Variants in RAD51C observed in about 807,000 individuals in gnomAD.
RAD51C encodes DNA repair protein RAD51 homolog 3.
A neutral mutation model predicts 45.0 loss-of-function variants in RAD51C; 42 were observed. The observed-to-expected ratio is 0.93, with a 90% confidence interval of 0.73 to 1.21. The LOEUF (loss-of-function observed/expected upper bound fraction) is 1.21, where lower values mean the gene tolerates loss of function less well. Ranked by LOEUF, RAD51C falls within the 50% of genes most tolerant of loss-of-function variation. The pLI, the probability that RAD51C is intolerant of heterozygous loss-of-function variation, is 0.00. For synonymous variants in RAD51C, 172 were observed against 159.8 expected, an observed-to-expected ratio of 1.08 and a Z score of -0.58; for missense variants, 474 against 452.2, an observed-to-expected ratio of 1.05 and a Z score of -0.44.
chr17:58,701,362 G>A (rs923742858), intron 3 of RAD51C, among the ~76,000 whole-genome samples: 10 of 151,570 alleles, frequency 6.6e-5, no homozygotes, highest in Admixed American at 1.3e-4. Context: ...CAAAAAATTA[G>A]CCTGGCATGG....
intron 5 of RAD51C, among the ~76,000 whole-genome samples, chr17:58,711,247 A>G (rs2048547811): frequency 6.6e-6 from 1 of 152,222 alleles, no homozygotes; most frequent in Non-Finnish European, 1.5e-5. Context: ...AATCCAAACA[A>G]TAACATCAAA....
At chr17:58,705,147 TTAAA>T (rs1205128381) in intron 4 of RAD51C, among the ~76,000 whole-genome samples, 2 of 151,708 alleles carry the variant, frequency 1.3e-5, no homozygotes, top group Admixed American at 1.3e-4. Flanking sequence ...TAAATAAAAA[TTAAA>T]TAAATAAATA....
Position 58,734,475 on chromosome 17 carries a change from T to C in RAD51C, c.*253T>C, listed in dbSNP as rs2049574893. ...AGATGATTATTATATTTCACAAATG[T>C]GGAAAGCTGATCTCATGTGGCCAGT... On this transcript the variant is annotated 3_prime_UTR_variant, in exon 9 of 9. Coordinates refer to ENST00000337432, the MANE Select transcript of RAD51C (RefSeq NM_058216.3). 3 of 597,792 alleles carry C rather than the reference T, an allele frequency of 5.0e-6. No homozygotes were observed. The allele number at this position is 597,792 out of a possible 1,614,324, so 37.0% of individuals were successfully genotyped here.
At chr17:58,708,707 G>GT (rs1266129810) in intron 4 of RAD51C, among the ~76,000 whole-genome samples, 1 of 151,554 alleles carries the variant, frequency 6.6e-6, no homozygotes, top group Non-Finnish European at 1.5e-5. Flanking sequence ...GCTTTGGGGG[G>GT]GGCTTTCTTT....
intron 5 of RAD51C, among the ~76,000 whole-genome samples, chr17:58,712,786 T>C (rs2048604909): frequency 6.6e-6 from 1 of 150,886 alleles, no homozygotes; most frequent in Non-Finnish European, 1.5e-5. Context: ...GCCACTGCAC[T>C]CCAGCCTGGG....
intron 5 of RAD51C, 100 bp downstream of exon 5, chr17:58,710,090 A>G (rs1055307096): frequency 8.2e-6 from 11 of 1,343,178 alleles, no homozygotes; most frequent in Non-Finnish European, 1.2e-5. Flanking sequence ...GACAAATAAT[A>G]TAGACATGCA....
intron 7 of RAD51C, among the ~76,000 whole-genome samples, chr17:58,731,486 C>T (rs1330298309): frequency 6.6e-6 from 1 of 151,944 alleles, no homozygotes; most frequent in Non-Finnish European, 1.5e-5. Flanking sequence ...CTCGAACTCC[C>T]GACCTCAGGT....
At chr17:58,724,298 A>C (rs1272739585) in intron 7 of RAD51C, among the ~76,000 whole-genome samples, 198 bp downstream of exon 7, 1 of 152,164 alleles carries the variant, frequency 6.6e-6, no homozygotes, top group African/African-American at 2.4e-5. Flanking sequence ...TACATAGGAA[A>C]TTCTCTGGAA....
At chr17:58,705,574 C>T (rs1041829762) in intron 4 of RAD51C, among the ~76,000 whole-genome samples, 12 of 152,126 alleles carry the variant, frequency 7.9e-5, no homozygotes, top group East Asian at 3.9e-4. Context: ...TCTTGTGATC[C>T]GCCCACCTCG....
chr17:58,715,313 T>C (rs1391876358), intron 5 of RAD51C, among the ~76,000 whole-genome samples: 2 of 137,040 alleles, frequency 1.5e-5, no homozygotes, highest in African/African-American at 5.0e-5. Context: ...AATTAGCCAG[T>C]TGTGGTGGCA....
At chr17:58,720,218 CCTGA>C (rs1321095504) in intron 5 of RAD51C, among the ~76,000 whole-genome samples, 1 of 150,596 alleles carries the variant, frequency 6.6e-6, no homozygotes, top group African/African-American at 2.4e-5. Context: ...TCGCGACCAT[CCTGA>C]CTAACACGGT....
intron 5 of RAD51C, among the ~76,000 whole-genome samples, chr17:58,716,738 C>T (rs1268680508): frequency 6.7e-5 from 10 of 149,806 alleles, no homozygotes; most frequent in Admixed American, 6.0e-4. Context: ...CTGGGATTAC[C>T]GGCACAAGCC....
chr17:58,712,268 C>G (rs2048580808), intron 5 of RAD51C, among the ~76,000 whole-genome samples: 1 of 148,714 alleles, frequency 6.7e-6, no homozygotes, highest in Non-Finnish European at 1.5e-5. Context: ...TCATTTGAAC[C>G]CAGAAGGCGG....
chr17:58,700,833 T>C (rs999164339), intron 3 of RAD51C, among the ~76,000 whole-genome samples: 1 of 152,240 alleles, frequency 6.6e-6, no homozygotes, highest in Non-Finnish European at 1.5e-5. Context: ...GGAAATGTTT[T>C]CTATTTTAAA....
intron 7 of RAD51C, among the ~76,000 whole-genome samples, chr17:58,726,387 G>A (rs553935101): frequency 6.0e-5 from 9 of 149,318 alleles, no homozygotes; most frequent in African/African-American, 1.7e-4. Flanking sequence ...ACATATATAC[G>A]TGTATGTATA....
intron 3 of RAD51C, among the ~76,000 whole-genome samples, chr17:58,699,007 T>TATTC (rs1399252517): frequency 6.6e-6 from 1 of 151,868 alleles, no homozygotes; most frequent in Non-Finnish European, 1.5e-5. Context: ...ACTGTTTTCT[T>TATTC]ATTTATTTAT....
intron 5 of RAD51C, among the ~76,000 whole-genome samples, chr17:58,715,914 G>A (rs1041337476): frequency 7.9e-5 from 12 of 152,224 alleles, no homozygotes; most frequent in African/African-American, 2.9e-4. Context: ...AGACCAGCCT[G>A]GCCAACATGG....
intron 4 of RAD51C, among the ~76,000 whole-genome samples, chr17:58,703,927 T>C (rs1318469416): frequency 7.3e-6 from 1 of 137,074 alleles, no homozygotes; most frequent in Non-Finnish European, 1.6e-5. Context: ...TGCCATCATG[T>C]ATCACCTTTT....
chr17:58,718,917 A>G (rs2048825119), intron 5 of RAD51C, among the ~76,000 whole-genome samples: 3 of 152,134 alleles, frequency 2.0e-5, no homozygotes, highest in African/African-American at 7.2e-5. Flanking sequence ...TAGGGAGGCA[A>G]TAGTGATAAA....
Sources: allele counts gnomAD v4.1 joint callset (sites outside exome capture counted in the v4.1 genomes callset), GRCh38; gene constraint gnomAD v4.1.1; transcripts MANE v1.5; gene names NCBI Gene and HGNC (gene_info 2026-07-23, HGNC 2026-07-21).